Variants in NCOA2 observed in about 807,000 individuals in gnomAD.
NCOA2 encodes the protein nuclear receptor coactivator 2, also known as class E basic helix-loop-helix protein 75.
In NCOA2, 21 loss-of-function variants were observed where a neutral mutation model predicts 145.1. That is an observed-to-expected ratio of 0.14 (90% CI 0.10 to 0.21). The LOEUF (loss-of-function observed/expected upper bound fraction) is 0.21, where lower values mean the gene tolerates loss of function less well. Among genes scored for constraint, NCOA2 ranks in the 10% least tolerant of loss-of-function variants. NCOA2 has a pLI of 1.00. For synonymous variants in NCOA2, 619 were observed against 637.5 expected (o/e 0.97, Z 0.44); for missense variants, 1,472 against 1,837.6 (o/e 0.80, Z 3.64).
intron 1 of NCOA2, among the ~76,000 whole-genome samples, chr8:70,305,811 A>T (rs1409738078): frequency 6.6e-6 from 1 of 152,214 alleles, no homozygotes; most frequent in African/African-American, 2.4e-5. Context: ...GAGTTGTAGA[A>T]AGAATGTAGT....
intron 2 of NCOA2, among the ~76,000 whole-genome samples, chr8:70,265,595 T>A (rs905550269): frequency 3.9e-5 from 6 of 152,120 alleles, no homozygotes; most frequent in Admixed American, 1.3e-4. Flanking sequence ...ATTCTATTTT[T>A]TAAAAAAATA....
intron 16 of NCOA2, 79 bp downstream of exon 16, chr8:70,131,758 G>A: frequency 7.1e-7 from 1 of 1,408,112 alleles, no homozygotes; most frequent in Non-Finnish European, 9.6e-7. Flanking sequence ...GCAGACCGTG[G>A]AGTACCTGTA....
upstream of NCOA2, among the ~76,000 whole-genome samples, chr8:70,404,891 T>G (rs755629856): frequency 7.9e-5 from 12 of 152,198 alleles, no homozygotes; most frequent in Non-Finnish European, 1.3e-4. Flanking sequence ...AAAAAAAACT[T>G]TTGTTTAATG....
At chr8:70,456,202 G>T in the NCOA2 span, among the ~76,000 whole-genome samples, 1 of 152,234 alleles carries the variant, frequency 6.6e-6, no homozygotes, top group East Asian at 1.9e-4. Flanking sequence ...GGAGGGATTT[G>T]GGCGAGATAT....
At chr8:70,258,133 T>G (rs1337012502) in intron 2 of NCOA2, among the ~76,000 whole-genome samples, 2 of 152,144 alleles carry the variant, frequency 1.3e-5, no homozygotes, top group Admixed American at 6.6e-5. Flanking sequence ...CCCAGGCTGG[T>G]CTTTAACTCA....
intron 1 of NCOA2, among the ~76,000 whole-genome samples, chr8:70,366,302 A>C (rs1810682127): frequency 6.6e-6 from 1 of 152,158 alleles, no homozygotes; most frequent in Non-Finnish European, 1.5e-5. Context: ...GTATGTTCTC[A>C]ACTGTTAAAA....
In NCOA2 at chr8:70,110,166, CA is replaced by C. The variant is rs978171025; in HGVS notation, c.*3465del. On this transcript the variant is annotated 3_prime_UTR_variant, in exon 23 of 23. Coordinates refer to ENST00000452400, the MANE Select transcript of NCOA2 (RefSeq NM_006540.4). ...CTGTACAAATAAAACTCACAAATGA[CA>C]AAGGAAAAAAATGACAGTTAAATGT... is the stretch of plus-strand genomic sequence containing the variant. 1 of 201,154 alleles carries C rather than the reference CA, an allele frequency of 5.0e-6. No homozygotes were observed. Among genetic ancestry groups the C allele is most frequent in the African/African-American group, 2.3e-5 (1 of 43,486 alleles). 12.5% of individuals were successfully genotyped at this position (201,154 alleles called of 1,614,324 possible). A position where few individuals can be genotyped will look rare whatever the true frequency, so the allele number is the denominator to read the frequency against.
intron 2 of NCOA2, among the ~76,000 whole-genome samples, chr8:70,269,012 A>C (rs1824830400): frequency 6.6e-6 from 1 of 152,180 alleles, no homozygotes; most frequent in South Asian, 2.1e-4. Context: ...TTACTAGAAA[A>C]AGCGTGGAAA....
At chr8:70,449,679 C>T in the NCOA2 span, among the ~76,000 whole-genome samples, 1 of 152,188 alleles carries the variant, frequency 6.6e-6, no homozygotes, top group African/African-American at 2.4e-5. Flanking sequence ...GAGACCTGAG[C>T]CCACTGGCTG....
At chr8:70,439,206 G>A in the NCOA2 span, among the ~76,000 whole-genome samples, 3 of 152,304 alleles carry the variant, frequency 2.0e-5, no homozygotes, top group Admixed American at 1.3e-4. Context: ...TATATGGAGT[G>A]CTACTATGTC....
In NCOA2 at chr8:70,124,051, C is replaced by T; in HGVS notation, c.4126G>A (p.Gly1376Arg). 6.2e-7 allele frequency: 1 copy of T among 1,613,802 alleles called. No individual in the cohort carries two copies. Among genetic ancestry groups the T allele is most frequent in the Non-Finnish European group, 8.5e-7 (1 of 1,179,790 alleles). Residue 1376 changes from glycine (G) to arginine (R), a missense_variant, in exon 21 of 23, where the codon GGG becomes AGG. Transcript: ENST00000452400. ...MFSQQSPPHF[G>R]QQANTSMYSN... ...TACATGCTGGTGTTTGCTTGCTGCC[C>T]AAAGTGTGGTGGGGACTGCTGGGAA...
chr8:70,275,457 A>G (rs2135381479), intron 2 of NCOA2, among the ~76,000 whole-genome samples: 1 of 152,284 alleles, frequency 6.6e-6, no homozygotes, highest in East Asian at 1.9e-4. Context: ...TTAAAAGGAA[A>G]CCTGCTGAGT....
intron 4 of NCOA2, among the ~76,000 whole-genome samples, chr8:70,209,714 G>T (rs998293524): frequency 6.6e-6 from 1 of 152,160 alleles, no homozygotes; most frequent in Non-Finnish European, 1.5e-5. Flanking sequence ...GTATTTTTAA[G>T]TTAAAATGTA....
At chr8:70,439,041 T>A in the NCOA2 span, among the ~76,000 whole-genome samples, 1 of 152,236 alleles carries the variant, frequency 6.6e-6, no homozygotes, top group Non-Finnish European at 1.5e-5. Context: ...AAAGTAATAG[T>A]TACTCCATTA....
Position 70,113,312 on chromosome 8 carries a change from T to C in NCOA2, c.*320A>G, listed in dbSNP as rs947085952. 1.6e-5 allele frequency: 7 copies of C among 451,138 alleles called. No individual in the cohort carries two copies. The highest frequency in any genetic ancestry group is 9.6e-5 in the African/African-American group (5 of 52,112). The allele number at this position is 451,138 out of a possible 1,614,324, so 27.9% of individuals were successfully genotyped here. A position where few individuals can be genotyped will look rare whatever the true frequency, so the allele number is the denominator to read the frequency against. The stretch of plus-strand genomic sequence containing the variant: ...TTCTCCTTAAATACATACATTTAAA[T>C]ACATTCAATCTGACATGGGTATGAA... On this transcript the variant is annotated 3_prime_UTR_variant, in exon 23 of 23. Coordinates refer to ENST00000452400, the MANE Select transcript of NCOA2 (RefSeq NM_006540.4).
At chr8:70,343,884 T>C (rs1212059201) in intron 1 of NCOA2, among the ~76,000 whole-genome samples, 1 of 151,466 alleles carries the variant, frequency 6.6e-6, no homozygotes, top group Admixed American at 6.6e-5. Context: ...TCTAGAAAAA[T>C]GTGTTTCAAA....
At chr8:70,129,092 A>T in intron 16 of NCOA2, 112 bp from the exon 17 acceptor site, 1 of 1,031,692 alleles carries the variant, frequency 9.7e-7, no homozygotes, top group South Asian at 1.7e-5. Context: ...TATACTTTTT[A>T]ATATTATACT....
intron 1 of NCOA2, among the ~76,000 whole-genome samples, chr8:70,386,160 T>A (rs1180532539): frequency 2.6e-5 from 4 of 152,184 alleles, no homozygotes; most frequent in Non-Finnish European, 5.9e-5. Context: ...CCCCACTATA[T>A]CTATCAAAAG....
intron 4 of NCOA2, among the ~76,000 whole-genome samples, chr8:70,202,264 A>G (rs1373130001): frequency 6.6e-6 from 1 of 152,202 alleles, no homozygotes; most frequent in Non-Finnish European, 1.5e-5. Flanking sequence ...CATCCACTAT[A>G]GAAGACACTA....
Sources: allele counts gnomAD v4.1 joint callset (sites outside exome capture counted in the v4.1 genomes callset), GRCh38; gene constraint gnomAD v4.1.1; transcripts MANE v1.5; gene names NCBI Gene and HGNC (gene_info 2026-07-23, HGNC 2026-07-21).